Variants in FAM167A observed in about 807,000 individuals in gnomAD.
FAM167A encodes the protein protein FAM167A.
Under a neutral mutation model 14.9 loss-of-function variants are expected in FAM167A, and 23 were observed. That is an observed-to-expected ratio of 1.55 (90% CI 1.11 to 2.19). The LOEUF is 2.19. Among genes scored for constraint, FAM167A ranks in the 30% most tolerant of loss-of-function variants. The probability of loss-of-function intolerance (pLI) is 0.00; values close to 1 mark genes in which losing one functional copy is unlikely to be tolerated. For synonymous variants in FAM167A, 174 were observed against 117.7 expected (o/e 1.48, Z -3.10); for missense variants, 401 against 281.5 (o/e 1.42, Z -3.04).
intron 2 of FAM167A, among the ~76,000 whole-genome samples, chr8:11,434,508 G>T (rs754915166): frequency 3.9e-5 from 6 of 152,174 alleles, no homozygotes; most frequent in Non-Finnish European, 8.8e-5. Flanking sequence ...GGGAGGGAGA[G>T]ACGACAGCCC....
intron 2 of FAM167A, chr8:11,438,254 C>A (rs61295167): frequency 2.5e-6 from 1 of 407,492 alleles, no homozygotes; most frequent in Admixed American, 2.7e-5. Context: ...TTCTCCTTGA[C>A]CCTGCAAGAC....
chr8:11,449,094 G>A (rs1294621089), intron 1 of FAM167A, among the ~76,000 whole-genome samples: 1 of 152,236 alleles, frequency 6.6e-6, no homozygotes, highest in Non-Finnish European at 1.5e-5. Context: ...AGGAGCTGCT[G>A]CAGGAATGGG....
chr8:11,440,266 T>C (rs1806352646), intron 2 of FAM167A, among the ~76,000 whole-genome samples: 1 of 152,138 alleles, frequency 6.6e-6, no homozygotes, highest in South Asian at 2.1e-4. Flanking sequence ...GAGCCCAAGG[T>C]CAGGCCGTCT....
rs537176604 is a variant in FAM167A, at chr8:11,452,119, C to T, written c.-397-7311G>A. Among the ~76,000 whole-genome samples the T allele has an allele frequency of 5.3e-5, 8 of 152,292 alleles. No homozygotes were observed. The South Asian group carries it at 8.3e-4, about 16-fold the overall frequency. ...TGGGGGGCAGGGAGGGGGTGCTGTG[C>T]GACCTCCCATTGAGAACCACAGGGT... On this transcript the variant is annotated intron_variant, in intron 1 of 2. Transcript: ENST00000284486.
At chr8:11,451,236 C>A (rs1343229022) in intron 1 of FAM167A, among the ~76,000 whole-genome samples, 3 of 152,222 alleles carry the variant, frequency 2.0e-5, no homozygotes, top group Non-Finnish European at 4.4e-5. Flanking sequence ...GGGAAAGGGT[C>A]TAACTGGAGA....
intron 1 of FAM167A, among the ~76,000 whole-genome samples, chr8:11,451,338 C>T (rs1267135670): frequency 5.3e-5 from 8 of 152,274 alleles, no homozygotes; most frequent in South Asian, 2.1e-4. Flanking sequence ...GGAAGCCACC[C>T]GCCCTGCCCA....
At chr8:11,472,413 TTTG>T (rs1807987524), upstream of FAM167A, among the ~76,000 whole-genome samples, 1 of 151,126 alleles carries the variant, frequency 6.6e-6, no homozygotes, top group South Asian at 2.1e-4. Flanking sequence ...TTGTTTTTGT[TTTG>T]TTTTGTTTTT....
chr8:11,475,352 G>A (rs73209265), intron 1 of FAM167A, among the ~76,000 whole-genome samples: 143 of 152,264 alleles, frequency 9.4e-4, no homozygotes, highest in South Asian at 1.5e-3. Context: ...GAGGAAAAAC[G>A]ATCTGTTGGC....
Position 11,444,576 on chromosome 8 carries a change from A to G in FAM167A, c.-165T>C. ...CAGAGGCTGGGTGGCAGGGGAGCTG[A>G]GAGGGACCGCGCAGTGAGCCGCACA... On this transcript the variant is annotated 5_prime_UTR_variant, in exon 2 of 3. Transcript: ENST00000284486. 1 of 1,442,040 alleles carries G rather than the reference A, an allele frequency of 6.9e-7. No homozygotes were observed. Among genetic ancestry groups the G allele is most frequent in the Non-Finnish European group, 9.1e-7 (1 of 1,104,878 alleles). 89.3% of individuals were successfully genotyped at this position (1,442,040 alleles called of 1,614,324 possible). A position where few individuals can be genotyped will look rare whatever the true frequency, so the allele number is the denominator to read the frequency against.
chr8:11,434,783 C>A, intron 2 of FAM167A: 1 of 338,668 alleles, frequency 3.0e-6, no homozygotes, highest in East Asian at 7.7e-5. Context: ...GTGGCATGTG[C>A]CCTACACAGA....
At chr8:11,448,542 G>T (rs1288926119) in intron 1 of FAM167A, among the ~76,000 whole-genome samples, 2 of 152,190 alleles carry the variant, frequency 1.3e-5, no homozygotes, top group African/African-American at 2.4e-5. Context: ...GACCTGCTGG[G>T]TGGCCCAAGA....
intron 1 of FAM167A, among the ~76,000 whole-genome samples, chr8:11,460,873 A>G (rs57741049): frequency 0.045 from 6,860 of 152,252 alleles, 523 homozygotes; most frequent in African/African-American, 0.16. Context: ...CTGGGACATT[A>G]TGAGAAAAGA....
chr8:11,424,392 CG>C lies in FAM167A; in HGVS notation c.625del (p.Arg209GlyfsTer160), dbSNP rs1489359673. 3 of 1,613,966 alleles carry C rather than the reference CG, an allele frequency of 1.9e-6. No individual in the cohort carries two copies. Among genetic ancestry groups the C allele is most frequent in the Non-Finnish European group, 2.5e-6 (3 of 1,180,014 alleles). ...GGCTCCTCAGCAGAGAGAGAACCTC[CG>C]AGAGTTGATGTTCATCTTGGTCACG... ...IGVTKMNINSRRFSLC is the reference protein window; with the variant it reads ...IGVTKMNINSXRFSLC On this transcript the variant is annotated frameshift_variant, in exon 3 of 3. Coordinates refer to ENST00000284486, the MANE Select transcript of FAM167A (RefSeq NM_053279.3). LOFTEE classifies it high-confidence loss of function.
chr8:11,474,118 G>A (rs1472459909), intron 1 of FAM167A, among the ~76,000 whole-genome samples: 7 of 152,024 alleles, frequency 4.6e-5, no homozygotes, highest in Non-Finnish European at 8.8e-5. Flanking sequence ...CAGGTGATCC[G>A]CCTGCCTTGG....
chr8:11,464,372 G>T (rs552095983), intron 1 of FAM167A, among the ~76,000 whole-genome samples: 11 of 152,084 alleles, frequency 7.2e-5, no homozygotes, highest in East Asian at 1.9e-4. Flanking sequence ...GACTCTACAG[G>T]TGATTGCAGA....
chr8:11,459,759 G>C (rs1238230540), intron 1 of FAM167A, among the ~76,000 whole-genome samples: 1 of 152,182 alleles, frequency 6.6e-6, no homozygotes, highest in African/African-American at 2.4e-5. Flanking sequence ...TTCTCACCCA[G>C]GCTGGAATGC....
upstream of FAM167A, among the ~76,000 whole-genome samples, chr8:11,469,835 G>A (rs565053196): frequency 3.8e-4 from 57 of 151,850 alleles, 1 homozygote; most frequent in East Asian, 8.3e-3. Flanking sequence ...AGCCATGATT[G>A]CACCACCGCA....
intron 2 of FAM167A, among the ~76,000 whole-genome samples, chr8:11,431,227 C>A (rs545400139): frequency 5.9e-5 from 9 of 152,370 alleles, no homozygotes; most frequent in Admixed American, 2.6e-4. Context: ...GGAAGACAAT[C>A]CTGGCACATG....
intron 1 of FAM167A, among the ~76,000 whole-genome samples, chr8:11,463,081 T>C (rs1807602288): frequency 6.6e-6 from 1 of 152,132 alleles, no homozygotes; most frequent in Admixed American, 6.5e-5. Context: ...GCTGGACTTG[T>C]TTCAGGTAAA....
Sources: gnomAD v4.1 joint callset for allele counts (sites outside exome capture counted in the v4.1 genomes callset) on GRCh38, gnomAD v4.1.1 for gene constraint, MANE v1.5 for transcripts, NCBI Gene and HGNC (gene_info 2026-07-23, HGNC 2026-07-21) for gene names.